Variants in NRXN2 observed in about 807,000 individuals in gnomAD.
NRXN2 encodes neurexin-2-beta.
In NRXN2, 29 loss-of-function variants were observed where a neutral mutation model predicts 128.8. That is an observed-to-expected ratio of 0.23 (90% CI 0.17 to 0.31). The LOEUF (loss-of-function observed/expected upper bound fraction) is 0.31, where lower values mean the gene tolerates loss of function less well. Among genes scored for constraint, NRXN2 ranks in the 10% least tolerant of loss-of-function variants. The pLI, the probability that NRXN2 is intolerant of heterozygous loss-of-function variation, is 1.00. For synonymous variants in NRXN2, 1,098 were observed against 1,075.2 expected (o/e 1.02, Z -0.41); for missense variants, 1,881 against 2,452.6 (o/e 0.77, Z 4.92).
At chr11:64,691,785 A>G (rs1470853548) in intron 4 of NRXN2, among the ~76,000 whole-genome samples, 1 of 152,188 alleles carries the variant, frequency 6.6e-6, no homozygotes, top group Non-Finnish European at 1.5e-5. Flanking sequence ...GCAAGACTCC[A>G]AGGCCTCTAC....
intron 2 of NRXN2, among the ~76,000 whole-genome samples, chr11:64,706,502 T>C (rs563590641): frequency 4.6e-5 from 7 of 152,106 alleles, no homozygotes; most frequent in African/African-American, 1.4e-4. Flanking sequence ...GGACATGAAC[T>C]CATCTTATCC....
Position 64,660,921 on chromosome 11 carries a change from G to A in NRXN2, c.2017C>T (p.Leu673=). 6.2e-7 allele frequency: 1 copy of A among 1,613,664 alleles called. No homozygotes were observed. The highest frequency in any genetic ancestry group is 8.5e-7 in the Non-Finnish European group (1 of 1,179,782). ...CCCACAGCCCCCTGAGCCTCAGCCA[G>A]GCCCCGGAGGTCTCGGCTACGCCCA... is the stretch of plus-strand genomic sequence containing the variant. ...IDGRSRDLRG[L]AEAQGAVGVA... Residue 673 remains leucine (L), a synonymous_variant, in exon 10 of 23, where the codon CTG becomes TTG. Coordinates refer to ENST00000265459, the MANE Select transcript of NRXN2 (RefSeq NM_015080.4). The surrounding 1 kb of genome is among the most constrained non-coding windows in gnomAD (Gnocchi z 5.2).
At chr11:64,693,737 A>G (rs2054146586) in intron 3 of NRXN2, among the ~76,000 whole-genome samples, 1 of 152,188 alleles carries the variant, frequency 6.6e-6, no homozygotes, top group African/African-American at 2.4e-5. Context: ...GAGAAGGTAG[A>G]ATCTACAGAG....
Position 64,648,709 on chromosome 11 carries a change from CCTCA to C in NRXN2, c.3283+21_3283+24del, listed in dbSNP as rs1192372568. On this transcript the variant is annotated intron_variant, in intron 16 of 22. Transcript: ENST00000265459. This position sits in a 1 kb window ranked among gnomAD's most constrained non-coding sequence, Gnocchi z 4.1. ...CCATCCTGTAGCCAGTAGGGCCACA[CCTCA>C]CTCCTCCACCCTCCACTCACCATCA... 2 of 1,612,662 alleles carry C rather than the reference CCTCA, an allele frequency of 1.2e-6. No individual in the cohort carries two copies. Among genetic ancestry groups the C allele is most frequent in the Non-Finnish European group, 1.7e-6 (2 of 1,179,874 alleles).
At chr11:64,702,126 GGT>G (rs1173421573) in intron 2 of NRXN2, among the ~76,000 whole-genome samples, 5 of 142,514 alleles carry the variant, frequency 3.5e-5, no homozygotes, top group Admixed American at 6.9e-5. Context: ...CCGGGAGGTA[GGT>G]GGGGGGGTCA....
At chr11:64,614,111 G>A (rs2041093677) in intron 22 of NRXN2, among the ~76,000 whole-genome samples, 1 of 152,158 alleles carries the variant, frequency 6.6e-6, no homozygotes, top group South Asian at 2.1e-4. Flanking sequence ...TCCCACAAGA[G>A]TCAGAAGAGG....
chr11:64,648,903 C>T lies in NRXN2; in HGVS notation c.3114G>A (p.Glu1038=), dbSNP rs371503686. Residue 1038 remains glutamate, a synonymous_variant, in exon 16 of 23, where the codon GAG becomes GAA. Transcript: ENST00000265459. The surrounding 1 kb of genome is among the most constrained non-coding windows in gnomAD (Gnocchi z 4.1). ...TCTTGCTCAGACCGCCAATGTACAA[C>T]TCCCCTGCAAAGGGAGTGGGTCAAC... ...NGARNLDLKG[E]LYIGGLSKNM... 1 of 1,614,192 alleles carries T rather than the reference C, an allele frequency of 6.2e-7. No individual in the cohort carries two copies. The highest frequency in any genetic ancestry group is 8.5e-7 in the Non-Finnish European group (1 of 1,180,008).
At chr11:64,610,187 T>C (rs771271039) in intron 22 of NRXN2, among the ~76,000 whole-genome samples, 40 of 151,518 alleles carry the variant, frequency 2.6e-4, no homozygotes, top group Non-Finnish European at 4.1e-4. Flanking sequence ...CCGACTCCAA[T>C]CTCCCCTGGC....
intron 6 of NRXN2, among the ~76,000 whole-genome samples, chr11:64,681,855 T>G (rs2052338733): frequency 6.6e-6 from 1 of 152,042 alleles, no homozygotes. Context: ...TGAGACAGGG[T>G]GTACACCATG....
At chr11:64,696,125 C>G (rs2054485476) in intron 3 of NRXN2, among the ~76,000 whole-genome samples, 1 of 151,728 alleles carries the variant, frequency 6.6e-6, no homozygotes, top group African/African-American at 2.4e-5. Flanking sequence ...TTCCCTTTCT[C>G]TCTTCCTCCC....
At chr11:64,680,118 A>C (rs967255339) in intron 6 of NRXN2, among the ~76,000 whole-genome samples, 19 of 152,218 alleles carry the variant, frequency 1.2e-4, no homozygotes, top group Admixed American at 8.5e-4. Flanking sequence ...ATTTTTACCA[A>C]GTCTTTCTGA....
At chr11:64,707,266 A>G (rs572911660) in intron 2 of NRXN2, among the ~76,000 whole-genome samples, 2 of 152,094 alleles carry the variant, frequency 1.3e-5, no homozygotes, top group East Asian at 3.9e-4. Context: ...GGGCGCCTGT[A>G]GTCCCAGCTA....
chr11:64,626,388 G>T, intron 20 of NRXN2, 75 bp downstream of exon 20: 2 of 1,234,726 alleles, frequency 1.6e-6, no homozygotes, highest in Non-Finnish European at 2.3e-6. Flanking sequence ...CACGGAGGGG[G>T]AAAGAGAGAG....
At chr11:64,614,253 G>A (rs543858444) in intron 22 of NRXN2, among the ~76,000 whole-genome samples, 289 of 152,260 alleles carry the variant, frequency 1.9e-3, no homozygotes, top group South Asian at 9.3e-3. Context: ...CCCCGCCCCC[G>A]CAACCTCCCA....
intron 2 of NRXN2, among the ~76,000 whole-genome samples, chr11:64,705,015 G>A (rs1447976185): frequency 6.6e-6 from 1 of 152,138 alleles, no homozygotes; most frequent in Non-Finnish European, 1.5e-5. Flanking sequence ...TCCTCTCCAA[G>A]GACTTGGAAA....
intron 9 of NRXN2, among the ~76,000 whole-genome samples, chr11:64,662,138 G>C (rs1393661285): frequency 3.3e-5 from 5 of 151,470 alleles, no homozygotes; most frequent in African/African-American, 1.2e-4. Flanking sequence ...CAAACCTGTA[G>C]TCCCAGCTAC....
chr11:64,690,508 G>A, intron 4 of NRXN2, 32 bp from the exon 5 acceptor site: 1 of 1,588,268 alleles, frequency 6.3e-7, no homozygotes, highest in Non-Finnish European at 8.6e-7. Flanking sequence ...GTCAGGCACA[G>A]GGGGTACCGA....
intron 17 of NRXN2, among the ~76,000 whole-genome samples, chr11:64,637,792 C>A (rs2044981612): frequency 1.3e-5 from 2 of 152,248 alleles, no homozygotes; most frequent in Admixed American, 1.3e-4. Context: ...AGAAAAGAGG[C>A]CCTTTCTCTT....
At chr11:64,689,152 A>G (rs539163783) in intron 5 of NRXN2, among the ~76,000 whole-genome samples, 28 of 152,168 alleles carry the variant, frequency 1.8e-4, no homozygotes, top group African/African-American at 6.3e-4. Flanking sequence ...TTCCTCAACC[A>G]TAAAGCATCC....
Sources: gnomAD v4.1 joint callset for allele counts (sites outside exome capture counted in the v4.1 genomes callset) on GRCh38, gnomAD v4.1.1 for gene constraint, Gnocchi (gnomAD v3.1) non-coding constraint, MANE v1.5 for transcripts, NCBI Gene and HGNC (gene_info 2026-07-23, HGNC 2026-07-21) for gene names.